Variants in CSMD1 observed in about 807,000 individuals in gnomAD.
CSMD1 encodes the protein CUB and Sushi multiple domains 1.
A neutral mutation model predicts 417.5 loss-of-function variants in CSMD1; 213 were observed. The observed-to-expected ratio is 0.51, with a 90% CI of 0.46 to 0.57. The LOEUF (loss-of-function observed/expected upper bound fraction) is 0.57, where lower values mean the gene tolerates loss of function less well. CSMD1 is among the 20% of genes least tolerant of loss of function. The pLI is 0.00. For synonymous variants in CSMD1, 2,862 were observed against 1,736.8 expected (o/e 1.65, Z -16.11); for missense variants, 6,923 against 4,529.7 (o/e 1.53, Z -15.17).
intron 7 of CSMD1, among the ~76,000 whole-genome samples, chr8:3,693,497 G>A (rs1443735334): frequency 6.6e-6 from 1 of 152,190 alleles, no homozygotes; most frequent in South Asian, 2.1e-4. Context: ...ATGGCAGCAG[G>A]CAGCCGCCTG....
At chr8:3,963,228 G>A (rs1480918627) in intron 5 of CSMD1, among the ~76,000 whole-genome samples, 3 of 152,046 alleles carry the variant, frequency 2.0e-5, no homozygotes, top group East Asian at 1.9e-4. Context: ...CACCGCACCC[G>A]GCCTCAGTGT....
chr8:3,565,698 G>T (rs1799676557), intron 10 of CSMD1, among the ~76,000 whole-genome samples: 1 of 152,128 alleles, frequency 6.6e-6, no homozygotes, highest in South Asian at 2.1e-4. Context: ...TTTCTTGCAA[G>T]CATTAAGTTT....
intron 52 of CSMD1, among the ~76,000 whole-genome samples, chr8:3,014,526 C>T (rs1049466887): frequency 1.3e-5 from 2 of 152,122 alleles, no homozygotes; most frequent in East Asian, 1.9e-4. Flanking sequence ...GATTTTTAGT[C>T]CCCTCAGCTG....
At chr8:4,383,057 C>T (rs1215066807) in intron 3 of CSMD1, among the ~76,000 whole-genome samples, 7 of 152,120 alleles carry the variant, frequency 4.6e-5, no homozygotes, top group South Asian at 2.1e-4. Flanking sequence ...CATTAGGATT[C>T]GGGAGTAATA....
rs547515846 is a variant in CSMD1, at chr8:4,259,588, G to C, written c.415+160365C>G. ...AATACTCTGTTACCGATCAACGATT[G>C]TTTTAAAAATAAACTTCAAAACTTT... is the stretch of plus-strand genomic sequence containing the variant. On this transcript the variant is annotated intron_variant, in intron 3 of 69. Transcript: ENST00000635120. Among the ~76,000 whole-genome samples, 69 of 151,366 alleles carry C rather than the reference G, an allele frequency of 4.6e-4. No individual in the cohort carries two copies. The South Asian group carries it at 0.014, about 31-fold the overall frequency.
At chr8:4,381,395 G>A (rs192657180) in intron 3 of CSMD1, among the ~76,000 whole-genome samples, 176 of 152,234 alleles carry the variant, frequency 1.2e-3, no homozygotes, top group African/African-American at 4.2e-3. Context: ...AGCAGGGGTG[G>A]AAAACCCATG....
At chr8:3,870,380 C>CT (rs1462362532) in intron 5 of CSMD1, among the ~76,000 whole-genome samples, 2 of 152,060 alleles carry the variant, frequency 1.3e-5, no homozygotes, top group East Asian at 1.9e-4. Flanking sequence ...ATGGATACCT[C>CT]TTTTTTCCCC....
intron 23 of CSMD1, among the ~76,000 whole-genome samples, chr8:3,314,103 C>G (rs929457802): frequency 6.6e-6 from 1 of 150,878 alleles, no homozygotes; most frequent in South Asian, 2.1e-4. Flanking sequence ...GGGAACATCA[C>G]ACACCGGAGC....
At chr8:4,508,574 A>C (rs1802653477) in intron 2 of CSMD1, among the ~76,000 whole-genome samples, 1 of 152,172 alleles carries the variant, frequency 6.6e-6, no homozygotes. Context: ...AAAGAGAATC[A>C]GAATATGCCA....
At chr8:3,954,109 A>G (rs1276036565) in intron 5 of CSMD1, among the ~76,000 whole-genome samples, 1 of 151,846 alleles carries the variant, frequency 6.6e-6, no homozygotes, top group Non-Finnish European at 1.5e-5. Context: ...GAACGTGGCC[A>G]GTGGGAGAGA....
chr8:4,744,717 G>T (rs942062336), intron 1 of CSMD1, among the ~76,000 whole-genome samples: 2 of 152,140 alleles, frequency 1.3e-5, no homozygotes, highest in African/African-American at 4.8e-5. Flanking sequence ...TCAGGTCATG[G>T]TTTAATGATA....
At chr8:3,685,177 A>C (rs1799884359) in intron 7 of CSMD1, among the ~76,000 whole-genome samples, 1 of 152,190 alleles carries the variant, frequency 6.6e-6, no homozygotes, top group South Asian at 2.1e-4. Context: ...TTGATGGATA[A>C]AATCAAATCC....
At chr8:3,714,561 C>CACAAAAAAAAAAAAAAAAAAA in intron 6 of CSMD1, among the ~76,000 whole-genome samples, 1 of 70,554 alleles carries the variant, frequency 1.4e-5, no homozygotes, top group East Asian at 5.0e-4. Context: ...ATCTCTATCC[C>CACAAAAAAAAAAAAAAAAAAA]AAAAAAAAAA....
chr8:2,958,732 C>T lies in CSMD1; in HGVS notation c.9703-925G>A, dbSNP rs559047703. 7.9e-5 allele frequency among the ~76,000 whole-genome samples: 12 copies of T among 152,344 alleles called. No individual in the cohort carries two copies. The East Asian group carries it at 1.9e-3, about 25-fold the overall frequency. ...ACCAGATTATTTCCTTAAAGCTTGA[C>T]TTATGAAGGCACATAAGTGCACCAA... is the stretch of plus-strand genomic sequence containing the variant. On this transcript the variant is annotated intron_variant, in intron 62 of 69. Coordinates refer to ENST00000635120, the MANE Select transcript of CSMD1 (RefSeq NM_033225.6).
At chr8:4,033,160 G>C (rs1005342250) in intron 3 of CSMD1, among the ~76,000 whole-genome samples, 2 of 142,304 alleles carry the variant, frequency 1.4e-5, no homozygotes, top group Non-Finnish European at 3.0e-5. Context: ...AAAAAACCTG[G>C]CCAGGCACGG....
At chr8:4,437,417 T>G (rs969432159) in intron 2 of CSMD1, among the ~76,000 whole-genome samples, 2 of 152,186 alleles carry the variant, frequency 1.3e-5, no homozygotes, top group African/African-American at 2.4e-5. Flanking sequence ...TGAGCCACAT[T>G]TTCTAGTCAT....
chr8:4,978,363 A>G (rs1446560162), intron 1 of CSMD1, among the ~76,000 whole-genome samples: 1 of 152,094 alleles, frequency 6.6e-6, no homozygotes, highest in African/African-American at 2.4e-5. Context: ...AAAAAGCCAG[A>G]TCACACTGAC....
intron 49 of CSMD1, among the ~76,000 whole-genome samples, chr8:3,065,094 C>G (rs1381539122): frequency 6.6e-6 from 1 of 152,060 alleles, no homozygotes; most frequent in Non-Finnish European, 1.5e-5. Flanking sequence ...AGAATCTTCA[C>G]AGGCACATCT....
intron 5 of CSMD1, among the ~76,000 whole-genome samples, chr8:3,907,297 A>T (rs552201537): frequency 7.6e-4 from 116 of 152,326 alleles, no homozygotes; most frequent in Non-Finnish European, 5.3e-4. Context: ...TTTTAAGAAG[A>T]CATTAACGTG....
Sources: gnomAD v4.1 joint callset for allele counts (sites outside exome capture counted in the v4.1 genomes callset) on GRCh38, gnomAD v4.1.1 for gene constraint, MANE v1.5 for transcripts, NCBI Gene and HGNC (gene_info 2026-07-23, HGNC 2026-07-21) for gene names.